Variants in SLC28A1 observed in about 807,000 individuals in gnomAD.
SLC28A1 encodes sodium/nucleoside cotransporter 1.
Under a neutral mutation model 74.8 loss-of-function variants are expected in SLC28A1, and 64 were observed. That is an observed-to-expected ratio of 0.86 (90% CI 0.70 to 1.05). The LOEUF (loss-of-function observed/expected upper bound fraction) is 1.05, where lower values mean the gene tolerates loss of function less well. Among genes scored for constraint, SLC28A1 ranks in the 50% least tolerant of loss-of-function variants. The pLI, the probability that SLC28A1 is intolerant of heterozygous loss-of-function variation, is 0.00. For missense variants in SLC28A1, 828 were observed against 822.8 expected (o/e 1.01, Z -0.08); for synonymous variants, 359 against 335.0 (o/e 1.07, Z -0.78).
chr15:84,970,439 G>T, the SLC28A1 span, among the ~76,000 whole-genome samples: 3 of 152,096 alleles, frequency 2.0e-5, no homozygotes, highest in Non-Finnish European at 2.9e-5. Flanking sequence ...GCATGGGAAG[G>T]GTCTATACAG....
intron 9 of SLC28A1, among the ~76,000 whole-genome samples, chr15:84,912,806 G>GCGCACACACACACACACACACACA (rs764101004): frequency 8.9e-6 from 1 of 112,202 alleles, no homozygotes; most frequent in Admixed American, 9.5e-5. Flanking sequence ...TTGCGCGCGC[G>GCGCACACACACACACACACACACA]CACACACACA....
intron 7 of SLC28A1, 106 bp downstream of exon 7, chr15:84,904,344 G>T: frequency 2.6e-6 from 4 of 1,538,518 alleles, no homozygotes; most frequent in South Asian, 2.2e-5. Context: ...TGTTGGGAGA[G>T]CCCTGGAGGC....
chr15:84,924,172 C>CT, intron 12 of SLC28A1, 62 bp downstream of exon 12: 2 of 1,549,774 alleles, frequency 1.3e-6, no homozygotes, highest in Non-Finnish European at 1.8e-6. Flanking sequence ...TTTGTGGGAG[C>CT]CCCACACAGC....
At chr15:84,939,139 G>A (rs564529570) in intron 15 of SLC28A1, among the ~76,000 whole-genome samples, 2 of 152,296 alleles carry the variant, frequency 1.3e-5, no homozygotes, top group East Asian at 3.9e-4. Flanking sequence ...TGGAAACAAA[G>A]CAAGACCCTG....
rs201166938 is a variant in SLC28A1, at chr15:84,935,095, C to T, written c.1284C>T (p.Ile428=). The T allele has an allele frequency of 2.2e-5, 36 of 1,613,964 alleles. No homozygotes were observed. The highest frequency in any genetic ancestry group is 4.0e-5 in the African/African-American group (3 of 75,046). The change falls in exon 14 of 19, where the codon ATC becomes ATT. Residue 428 remains isoleucine (I), a synonymous_variant. Transcript: ENST00000394573. ...AAISVKVVAN[I]AANLIAFLAV... is the part of the protein sequence containing the mutation. ...TCTCCGTGAAGGTGGTCGCCAACAT[C>T]GCTGCCAACCTGATTGCGTTCCTGG...
chr15:84,908,885 G>C, intron 9 of SLC28A1, 90 bp downstream of exon 9: 1 of 1,060,012 alleles, frequency 9.4e-7, no homozygotes, highest in Non-Finnish European at 1.5e-6. Context: ...GGGGGCCCAG[G>C]TGGAGGGGAG....
chr15:84,968,946 C>A, the SLC28A1 span, among the ~76,000 whole-genome samples: 4 of 152,180 alleles, frequency 2.6e-5, no homozygotes, highest in Non-Finnish European at 5.9e-5. Context: ...TGAGCTGGGG[C>A]ACCCTCTGGG....
At chr15:84,949,594 T>C (rs1379609190), downstream of SLC28A1, among the ~76,000 whole-genome samples, 1 of 133,556 alleles carries the variant, frequency 7.5e-6, no homozygotes, top group African/African-American at 2.9e-5. Context: ...TTTTTAGAGA[T>C]GGCGGGGACT....
At chr15:84,943,901 C>T (rs548553476) in intron 16 of SLC28A1, among the ~76,000 whole-genome samples, 4 of 150,586 alleles carry the variant, frequency 2.7e-5, no homozygotes, top group Non-Finnish European at 5.9e-5. Flanking sequence ...GAGACTCTGT[C>T]TCAAAAAAAA....
chr15:84,912,567 T>C (rs1463111142), intron 9 of SLC28A1, among the ~76,000 whole-genome samples: 1 of 152,050 alleles, frequency 6.6e-6, no homozygotes, highest in Non-Finnish European at 1.5e-5. Context: ...CTAGTAACTT[T>C]CCACCCGCAT....
downstream of SLC28A1, among the ~76,000 whole-genome samples, chr15:84,946,099 T>TAC (rs2079206867): frequency 4.6e-5 from 1 of 21,578 alleles, no homozygotes; most frequent in South Asian, 2.6e-3. Flanking sequence ...TATATATATA[T>TAC]ATATATATAT....
intron 15 of SLC28A1, among the ~76,000 whole-genome samples, chr15:84,936,602 C>T (rs1057434602): frequency 3.3e-5 from 5 of 152,162 alleles, no homozygotes; most frequent in African/African-American, 1.2e-4. Context: ...GGGGTTGGCT[C>T]TTTCTGTTAA....
chr15:84,928,786 C>A (rs1411900684), intron 12 of SLC28A1, among the ~76,000 whole-genome samples: 1 of 151,552 alleles, frequency 6.6e-6, no homozygotes, highest in Non-Finnish European at 1.5e-5. Context: ...ACCAACCCAG[C>A]TAATTTGTGT....
At chr15:84,937,345 T>C (rs1045091807) in intron 15 of SLC28A1, among the ~76,000 whole-genome samples, 1 of 152,170 alleles carries the variant, frequency 6.6e-6, no homozygotes, top group East Asian at 1.9e-4. Context: ...GCTGACTGAC[T>C]CCCACATGAG....
intron 9 of SLC28A1, among the ~76,000 whole-genome samples, chr15:84,916,241 T>A (rs1327227776): frequency 1.9e-5 from 1 of 52,416 alleles, no homozygotes; most frequent in Non-Finnish European, 3.7e-5. Context: ...CTGGGATTAC[T>A]TTTTTTTTTT....
chr15:84,930,894 C>T (rs1971190514), intron 12 of SLC28A1, among the ~76,000 whole-genome samples: 1 of 152,000 alleles, frequency 6.6e-6, no homozygotes, highest in African/African-American at 2.4e-5. Flanking sequence ...CTCAGCCTCC[C>T]GAGTAGCTGG....
rs1003613201 is a variant in SLC28A1, at chr15:84,945,517, C to A, written c.*317C>A. On this transcript the variant is annotated 3_prime_UTR_variant, in exon 19 of 19. Coordinates refer to ENST00000394573, the MANE Select transcript of SLC28A1 (RefSeq NM_004213.5). Reference sequence around the variant, plus strand: ...AGCACCCTGGTCCTCTCTATCCCCCCTCTCCTGGGGTCCCTCACATGCCCC... The same window carrying A: ...AGCACCCTGGTCCTCTCTATCCCCCATCTCCTGGGGTCCCTCACATGCCCC... 7.5e-6 allele frequency: 3 copies of A among 399,288 alleles called. No individual in the cohort carries two copies. The highest frequency in any genetic ancestry group is 1.4e-5 in the Non-Finnish European group (3 of 208,696). The allele number at this position is 399,288 out of a possible 1,614,324, so 24.7% of individuals were successfully genotyped here.
chr15:84,895,673 C>T (rs1365516762), intron 6 of SLC28A1: 5 of 1,411,632 alleles, frequency 3.5e-6, no homozygotes, highest in Admixed American at 2.9e-5. Flanking sequence ...TTCAGACTTC[C>T]CGCCCAGCCC....
At chr15:84,895,623 C>T (rs538013408) in intron 6 of SLC28A1, 30 of 1,473,574 alleles carry the variant, frequency 2.0e-5, no homozygotes, top group East Asian at 2.0e-4. Context: ...GAAATCTCAG[C>T]GATGTCACAG....
Sources: gnomAD v4.1 joint callset for allele counts (sites outside exome capture counted in the v4.1 genomes callset) on GRCh38, gnomAD v4.1.1 for gene constraint, MANE v1.5 for transcripts, NCBI Gene and HGNC (gene_info 2026-07-23, HGNC 2026-07-21) for gene names.